The following ID2 variants were observed in gnomAD, a reference collection of about 807,000 sequenced individuals.
ID2 encodes inhibitor of DNA binding 2.
Under a neutral mutation model 8.3 loss-of-function variants are expected in ID2, and 2 were observed. The observed-to-expected ratio is 0.24, with a 90% confidence interval of 0.10 to 0.76. The LOEUF (loss-of-function observed/expected upper bound fraction) is 0.76, where lower values mean the gene tolerates loss of function less well. Among genes scored for constraint, ID2 ranks in the 30% least tolerant of loss-of-function variants. The probability of loss-of-function intolerance (pLI) is 0.73; values close to 1 mark genes in which losing one functional copy is unlikely to be tolerated. For synonymous variants in ID2, 112 were observed against 72.3 expected (o/e 1.55, Z -2.79); for missense variants, 155 against 167.0 (o/e 0.93, Z 0.40).
At position 8,683,983 on chromosome 2, in the gene ID2, G is replaced by A. The variant is rs1195149507; in HGVS notation, c.*306G>A. ...GGGAGCGAAAACGTTAAAATCACAAGGAATTGCCCAATCTAAGCAGACTTT... is the reference window on the plus strand; with the variant it reads ...GGGAGCGAAAACGTTAAAATCACAAAGAATTGCCCAATCTAAGCAGACTTT... On this transcript the variant is annotated 3_prime_UTR_variant, in exon 3 of 3. Coordinates refer to ENST00000396290, the MANE Select transcript of ID2 (RefSeq NM_002166.5). The A allele has an allele frequency of 6.6e-6, 1 of 152,494 alleles. No homozygotes were observed. Among genetic ancestry groups the A allele is most frequent in the Non-Finnish European group, 1.5e-5 (1 of 68,040 alleles). 9.4% of individuals were successfully genotyped at this position (152,494 alleles called of 1,614,324 possible). A position where few individuals can be genotyped will look rare whatever the true frequency, so the allele number is the denominator to read the frequency against.
chr2:8,682,447 G>C lies in ID2; in HGVS notation c.282G>C (p.Gly94=). The C allele has an allele frequency of 6.2e-7, 1 of 1,613,614 alleles. No individual in the cohort carries two copies. Reference sequence around the variant, plus strand: ...TCAGCCTGCATCACCAGAGACCCGGGCAGAACCAGGCGTCCAGGACGCCGC... The same window carrying C: ...TCAGCCTGCATCACCAGAGACCCGGCCAGAACCAGGCGTCCAGGACGCCGC... ...TIVSLHHQRP[G]QNQASRTPLT... is the part of the protein sequence containing the mutation. The change falls in exon 1 of 3, where the codon GGG becomes GGC. Residue 94 remains glycine (G), a synonymous_variant. Transcript: ENST00000396290.
chr2:8,682,442 C>A lies in ID2; in HGVS notation c.277C>A (p.Pro93Thr). Residue 93 changes from proline to threonine, a missense_variant, in exon 1 of 3, where the codon CCC (proline) becomes ACC (threonine). Physicochemically the swap from Pro to Thr is conservative, Grantham distance 38. Coordinates refer to ENST00000396290, the MANE Select transcript of ID2 (RefSeq NM_002166.5). Reference protein sequence around the residue: ...PTIVSLHHQRPGQNQASRTPL... With the variant: ...PTIVSLHHQRTGQNQASRTPL... ...TATTGTCAGCCTGCATCACCAGAGACCCGGGCAGAACCAGGCGTCCAGGAC... is the reference window on the plus strand; with the variant it reads ...TATTGTCAGCCTGCATCACCAGAGAACCGGGCAGAACCAGGCGTCCAGGAC... 19 of 1,613,736 alleles carry A rather than the reference C, an allele frequency of 1.2e-5. No homozygotes were observed. Among genetic ancestry groups the A allele is most frequent in the Non-Finnish European group, 1.6e-5 (19 of 1,180,026 alleles).
chr2:8,683,094 C>G (rs554635392), intron 2 of ID2, 188 bp downstream of exon 2: 35 of 607,692 alleles, frequency 5.8e-5, no homozygotes, highest in Non-Finnish European at 9.3e-5. Flanking sequence ...TGCTCGAGAT[C>G]ACAGAACATT....
chr2:8,684,148 T>C lies in ID2; in HGVS notation c.*471T>C, dbSNP rs901069258. 4.6e-5 allele frequency: 7 copies of C among 152,268 alleles called. No individual in the cohort carries two copies. Among genetic ancestry groups the C allele is most frequent in the Admixed American group, 4.6e-4 (7 of 15,280 alleles). The allele number at this position is 152,268 out of a possible 1,614,324, so 9.4% of individuals were successfully genotyped here. On this transcript the variant is annotated 3_prime_UTR_variant, in exon 3 of 3. Coordinates refer to ENST00000396290, the MANE Select transcript of ID2 (RefSeq NM_002166.5). ...TATATTTATATATAAATATATCTAT[T>C]TGAGTGAAACCTTGTGAACTCTTTA... is the stretch of plus-strand genomic sequence containing the variant.
intron 1 of ID2, 24 bp downstream of exon 1, chr2:8,682,537 G>A: frequency 1.3e-6 from 2 of 1,560,174 alleles, no homozygotes; most frequent in Non-Finnish European, 1.8e-6. Context: ...CGGGGTCCCC[G>A]CCCCGCCGCC....
chr2:8,682,679 G>A (rs1662115003), intron 1 of ID2, 164 bp from the exon 2 acceptor site: 3 of 703,476 alleles, frequency 4.3e-6, no homozygotes, highest in South Asian at 3.5e-5. Flanking sequence ...TTGCTAGTAA[G>A]TTCTGACATG....
rs1390882520 is a variant in ID2, at chr2:8,682,221, G to T, written c.56G>T (p.Ser19Ile). 4 of 1,614,048 alleles carry T rather than the reference G, an allele frequency of 2.5e-6. No individual in the cohort carries two copies. The highest frequency in any genetic ancestry group is 1.3e-5 in the African/African-American group (1 of 75,042). ...SVRKNSLSDH[S>I]LGISRSKTPV... ...AGGAAAAACAGCCTGTCGGACCACA[G>T]CCTGGGCATCTCCCGGAGCAAAACC... Residue 19 changes from serine (S) to isoleucine (I), a missense_variant, in exon 1 of 3, where the codon AGC becomes ATC. Transcript: ENST00000396290.
Position 8,682,787 on chromosome 2 carries a change from A to G in ID2, c.349-56A>G, listed in dbSNP as rs896291345. 1.1e-5 allele frequency: 14 copies of G among 1,276,268 alleles called. No individual in the cohort carries two copies. The East Asian group carries it at 1.6e-4, about 15-fold the overall frequency. The allele number at this position is 1,276,268 out of a possible 1,614,324, so 79.1% of individuals were successfully genotyped here. A position where few individuals can be genotyped will look rare whatever the true frequency, so the allele number is the denominator to read the frequency against. ...CAAAAAAAAAAAAAAAAAAAAAAAA[A>G]CCCTTTCTACTTAACATTGTCTTAA... is the stretch of plus-strand genomic sequence containing the variant. On this transcript the variant is annotated intron_variant, in intron 1 of 2. Transcript: ENST00000396290.
At chr2:8,682,715 A>C in intron 1 of ID2, 128 bp from the exon 2 acceptor site, 1 of 791,602 alleles carries the variant, frequency 1.3e-6, no homozygotes, top group Non-Finnish European at 2.1e-6. Context: ...TTAAATCTGA[A>C]TTGTTACCAT....
At chr2:8,683,228 T>G (rs577345215) in intron 2 of ID2, among the ~76,000 whole-genome samples, 24 of 152,244 alleles carry the variant, frequency 1.6e-4, no homozygotes, top group Non-Finnish European at 3.2e-4. Context: ...TATGAGGTAC[T>G]AACCTCCACT....
At chr2:8,683,050 T>G in intron 2 of ID2, 144 bp downstream of exon 2, 1 of 701,958 alleles carries the variant, frequency 1.4e-6, no homozygotes, top group Non-Finnish European at 2.6e-6. Context: ...TACTACATTG[T>G]CTCACTAGAC....
Position 8,682,762 on chromosome 2 carries a change from CAAAAAAAAAAA to C in ID2, c.349-66_349-56del, listed in dbSNP as rs373887089. ...ATGGAACTTGCTGGTCTGTGGACTA[CAAAAAAAAAAA>C]AAAAAAAAAAAAAACCCTTTCTACT... On this transcript the variant is annotated intron_variant, in intron 1 of 2. Coordinates refer to ENST00000396290, the MANE Select transcript of ID2 (RefSeq NM_002166.5). The C allele has an allele frequency of 3.7e-3, 2,776 of 746,476 alleles. 26 individuals carry two copies. In the African/African-American group the frequency reaches 0.038, roughly 10 times the overall value. The allele number at this position is 746,476 out of a possible 1,614,324, so 46.2% of individuals were successfully genotyped here.
In ID2 at chr2:8,682,056, A is replaced by G. The variant is rs1317759732; in HGVS notation, c.-110A>G. ...AGCCGCCCCGCCGGGCTCGGGCTTC[A>G]TTCTGAGCCGAGCCCGGTGCCAAGC... On this transcript the variant is annotated 5_prime_UTR_variant, in exon 1 of 3. Coordinates refer to ENST00000396290, the MANE Select transcript of ID2 (RefSeq NM_002166.5). 22 of 829,652 alleles carry G rather than the reference A, an allele frequency of 2.7e-5. No homozygotes were observed. Among genetic ancestry groups the G allele is most frequent in the Non-Finnish European group, 4.0e-5 (21 of 527,486 alleles). The allele number at this position is 829,652 out of a possible 1,614,324, so 51.4% of individuals were successfully genotyped here.
intron 2 of ID2, 133 bp downstream of exon 2, chr2:8,683,039 G>A (rs1662131756): frequency 5.5e-6 from 4 of 731,294 alleles, no homozygotes; most frequent in Non-Finnish European, 1.0e-5. Context: ...GGTGTTACCC[G>A]TACTACATTG....
In ID2 at chr2:8,684,303, A is replaced by G. The variant is rs1009837922; in HGVS notation, c.*626A>G. ...TTAACCCTTTTATACAAAATAAATC[A>G]AGTGTGTTTATTGAATGGTGATTGC... On this transcript the variant is annotated 3_prime_UTR_variant, in exon 3 of 3. Transcript: ENST00000396290. 1.3e-5 allele frequency: 2 copies of G among 152,486 alleles called. No homozygotes were observed. The highest frequency in any genetic ancestry group is 2.9e-5 in the Non-Finnish European group (2 of 68,022). The allele number at this position is 152,486 out of a possible 1,614,324, so 9.4% of individuals were successfully genotyped here. A position where few individuals can be genotyped will look rare whatever the true frequency, so the allele number is the denominator to read the frequency against.
rs758169687 is a variant in ID2 at position 8,682,557 on chromosome 2, C to T, written c.348+44C>T. The T allele has an allele frequency of 2.8e-5, 41 of 1,452,836 alleles. 1 individual carries two copies. In the East Asian group the frequency reaches 8.2e-4, roughly 29 times the overall value. The allele number at this position is 1,452,836 out of a possible 1,614,324, so 90.0% of individuals were successfully genotyped here. ...TCCCCGCCCCGCCGCCGCACACTCC[C>T]GCGGTCGTCTGGGCTGTCACTAGGA... On this transcript the variant is annotated intron_variant, in intron 1 of 2. Transcript: ENST00000396290.
chr2:8,682,295 T>G lies in ID2; in HGVS notation c.130T>G (p.Ser44Ala), dbSNP rs1003849397. 1.2e-6 allele frequency: 2 copies of G among 1,614,118 alleles called. No individual in the cohort carries two copies. The highest frequency in any genetic ancestry group is 2.2e-5 in the East Asian group (1 of 44,876). ...SLLYNMNDCY[S>A]KLKELVPSIP... The stretch of plus-strand genomic sequence containing the variant: ...GCTATACAACATGAACGACTGCTAC[T>G]CCAAGCTCAAGGAGCTGGTGCCCAG... The change falls in exon 1 of 3, where the codon TCC (serine) becomes GCC (alanine). Residue 44 changes from serine to alanine, a missense_variant. Ser to Ala is a moderately conservative substitution (Grantham distance 99). Transcript: ENST00000396290.
intron 2 of ID2, among the ~76,000 whole-genome samples, chr2:8,683,307 C>A (rs558838352): frequency 6.6e-6 from 1 of 152,174 alleles, no homozygotes; most frequent in East Asian, 1.9e-4. Flanking sequence ...CTCTGGGATT[C>A]TCTGGGCTAG....
chr2:8,682,219 C>T lies in ID2; in HGVS notation c.54C>T (p.His18=), dbSNP rs141179746. 6.2e-6 allele frequency: 10 copies of T among 1,613,956 alleles called. No homozygotes were observed. The highest frequency in any genetic ancestry group is 3.3e-4 in the Middle Eastern group (2 of 6,084). Reference sequence around the variant, plus strand: ...TTAGGAAAAACAGCCTGTCGGACCACAGCCTGGGCATCTCCCGGAGCAAAA... The same window carrying T: ...TTAGGAAAAACAGCCTGTCGGACCATAGCCTGGGCATCTCCCGGAGCAAAA... The part of the protein sequence containing the change: ...RSVRKNSLSD[H]SLGISRSKTP... The change falls in exon 1 of 3, where the codon CAC becomes CAT. Residue 18 remains histidine (H), a synonymous_variant. Transcript: ENST00000396290.
Sources: gnomAD v4.1 joint callset for allele counts (sites outside exome capture counted in the v4.1 genomes callset) on GRCh38, gnomAD v4.1.1 for gene constraint, MANE v1.5 for transcripts, NCBI Gene and HGNC (gene_info 2026-07-23, HGNC 2026-07-21) for gene names.